The following TEAD4 variants were observed in gnomAD, a reference collection of about 807,000 sequenced individuals.
TEAD4 encodes the protein transcriptional enhancer factor TEF-3.
Under a neutral mutation model 52.4 loss-of-function variants are expected in TEAD4, and 36 were observed. The ratio of observed to expected loss-of-function variants is 0.69; its 90% CI spans 0.53 to 0.91. The LOEUF is 0.91. TEAD4 is among the 40% of genes least tolerant of loss of function. TEAD4 has a pLI of 0.00. For synonymous variants in TEAD4, 220 were observed against 231.0 expected (o/e 0.95, Z 0.43); for missense variants, 508 against 583.9 (o/e 0.87, Z 1.34).
intron 2 of TEAD4, among the ~76,000 whole-genome samples, chr12:2,967,535 C>CTAAGTG (rs762158251): frequency 6.6e-5 from 10 of 152,118 alleles, no homozygotes; most frequent in Non-Finnish European, 1.0e-4. Flanking sequence ...TGTAATAGGT[C>CTAAGTG]TAAGTGTAAC....
At position 3,024,179 on chromosome 12, in the gene TEAD4, A is replaced by G. The variant is rs753738279; in HGVS notation, c.897+2162A>G. 1.5e-3 allele frequency among the ~76,000 whole-genome samples: 221 copies of G among 151,728 alleles called. 2 individuals carry two copies. The highest frequency in any genetic ancestry group is 2.1e-3 in the Non-Finnish European group (145 of 67,956). On this transcript the variant is annotated intron_variant, in intron 10 of 12. Transcript: ENST00000359864. ...AAGCTCCGCCTCCCGGGTTCACGCC[A>G]TTCTCCTGCCTCAGCCTCCCGAGTA...
intron 2 of TEAD4, among the ~76,000 whole-genome samples, chr12:2,978,185 A>G (rs1334643067): frequency 6.6e-6 from 1 of 151,682 alleles, no homozygotes; most frequent in African/African-American, 2.4e-5. Context: ...TTTGTCTTCT[A>G]TCTCCTGGTG....
rs138763593 is a variant in TEAD4, at chr12:2,970,346, C to T, written c.-30+10306C>T. On this transcript the variant is annotated intron_variant, in intron 2 of 12. Transcript: ENST00000359864. ...AGCCAGCCCGCCTGGGTTTGAATCT[C>T]TGTTCTGCCACTTAACACCTGGGTG... Among the ~76,000 whole-genome samples, 74 of 152,334 alleles carry T rather than the reference C, an allele frequency of 4.9e-4. No homozygotes were observed. In the East Asian group the frequency reaches 0.012, roughly 25 times the overall value.
chr12:2,994,948 G>T lies in TEAD4; in HGVS notation c.182G>T (p.Cys61Phe). 6.2e-7 allele frequency: 1 copy of T among 1,614,174 alleles called. No homozygotes were observed. The highest frequency in any genetic ancestry group is 8.5e-7 in the Non-Finnish European group (1 of 1,180,020). The change falls in exon 3 of 13, where the codon TGT becomes TTT. Residue 61 changes from cysteine (C) to phenylalanine (F), a missense_variant. Transcript: ENST00000359864. The surrounding 1 kb of genome is among the most constrained non-coding windows in gnomAD (Gnocchi z 4.7). ...GAGGCCCTCGCCATCTACCCGCCCT[G>T]TGGCAGGCGCAAAATCATCCTGTCG...
chr12:3,022,161 G>A (rs1334157005), intron 10 of TEAD4, 144 bp downstream of exon 10: 3 of 1,145,916 alleles, frequency 2.6e-6, no homozygotes, highest in East Asian at 4.9e-5. Flanking sequence ...AGCCCAGCAT[G>A]GCTATGGGAT....
intron 10 of TEAD4, among the ~76,000 whole-genome samples, chr12:3,033,227 G>A (rs934654517): frequency 2.6e-5 from 4 of 152,198 alleles, no homozygotes; most frequent in Admixed American, 6.5e-5. Flanking sequence ...AGGGCGCTGT[G>A]GTGGTCATTC....
intron 2 of TEAD4, among the ~76,000 whole-genome samples, chr12:2,969,896 A>G (rs1011413375): frequency 6.6e-6 from 1 of 152,196 alleles, no homozygotes; most frequent in Non-Finnish European, 1.5e-5. Flanking sequence ...GGTGCTGTCC[A>G]ATAGAAATAC....
intron 2 of TEAD4, among the ~76,000 whole-genome samples, chr12:2,973,004 C>T (rs1381149302): frequency 6.6e-6 from 1 of 152,164 alleles, no homozygotes; most frequent in African/African-American, 2.4e-5. Context: ...TCATCCCTCC[C>T]CCTTCCCCTC....
intron 2 of TEAD4, among the ~76,000 whole-genome samples, chr12:2,982,441 A>T (rs1214567809): frequency 6.6e-6 from 1 of 152,200 alleles, no homozygotes; most frequent in Admixed American, 6.5e-5. Flanking sequence ...CGCATGGCCC[A>T]GCTCCACGAT....
At chr12:3,015,405 GA>G (rs1160769834) in intron 5 of TEAD4, among the ~76,000 whole-genome samples, 1 of 152,210 alleles carries the variant, frequency 6.6e-6, no homozygotes, top group Non-Finnish European at 1.5e-5. Context: ...TTGTGTTCTT[GA>G]AAACCTTCCG....
intron 2 of TEAD4, among the ~76,000 whole-genome samples, chr12:2,961,998 C>G (rs1353863487): frequency 6.6e-6 from 1 of 152,026 alleles, no homozygotes; most frequent in Non-Finnish European, 1.5e-5. Flanking sequence ...GAACAGAGTG[C>G]CAGCTTCTAT....
chr12:3,027,971 C>A (rs2098273051), intron 10 of TEAD4, among the ~76,000 whole-genome samples: 1 of 152,214 alleles, frequency 6.6e-6, no homozygotes, highest in African/African-American at 2.4e-5. Flanking sequence ...AAAATAAGCC[C>A]TGTTCCCTTT....
At chr12:2,985,592 G>A (rs867729000) in intron 2 of TEAD4, among the ~76,000 whole-genome samples, 8 of 119,966 alleles carry the variant, frequency 6.7e-5, no homozygotes, top group Middle Eastern at 7.7e-3. Flanking sequence ...TGCAACCTCC[G>A]CCTCCCGGGT....
In TEAD4 at chr12:3,016,764, G is replaced by A. The variant is rs143365538; in HGVS notation, c.355-634G>A. On this transcript the variant is annotated intron_variant, in intron 5 of 12. Coordinates refer to ENST00000359864, the MANE Select transcript of TEAD4 (RefSeq NM_003213.4). Reference sequence around the variant, plus strand: ...TAACAAACGATTACTATTGTTACCCGTGCCATCCAAGTGGCTTTCCCTGTG... The same window carrying A: ...TAACAAACGATTACTATTGTTACCCATGCCATCCAAGTGGCTTTCCCTGTG... Among the ~76,000 whole-genome samples, 16 of 152,252 alleles carry A rather than the reference G, an allele frequency of 1.1e-4. No homozygotes were observed. The East Asian group carries it at 1.2e-3, about 11-fold the overall frequency.
rs543450342 is a variant in TEAD4 at position 2,983,514 on chromosome 12, T to C, written c.-29-11224T>C. The stretch of plus-strand genomic sequence containing the variant: ...GAGGGCATCCTTCTTGTTTTACAGA[T>C]AAGCAAAATGAGGCCCAGAAAAATG... On this transcript the variant is annotated intron_variant, in intron 2 of 12. Transcript: ENST00000359864. 2.0e-5 allele frequency among the ~76,000 whole-genome samples: 3 copies of C among 152,306 alleles called. No individual in the cohort carries two copies. In the East Asian group the frequency reaches 5.8e-4, roughly 29 times the overall value.
Position 2,994,737 on chromosome 12 carries a change from G to A in TEAD4, c.-29-1G>A, listed in dbSNP as rs1314333715. 2.5e-6 allele frequency: 4 copies of A among 1,574,242 alleles called. No homozygotes were observed. The highest frequency in any genetic ancestry group is 3.4e-6 in the Non-Finnish European group (4 of 1,160,126). On this transcript the variant is annotated splice_acceptor_variant, in intron 2 of 12. Coordinates refer to ENST00000359864, the MANE Select transcript of TEAD4 (RefSeq NM_003213.4). LOFTEE classifies it low-confidence loss of function (5UTR_SPLICE). This position sits in a 1 kb window ranked among gnomAD's most constrained non-coding sequence, Gnocchi z 4.7. ...CGGGGCTGTGGTTCCTGTCCCCACA[G>A]GTCCAACGAGCGCTCCTCCAAGCGG...
intron 2 of TEAD4, among the ~76,000 whole-genome samples, chr12:2,985,392 A>T (rs893819629): frequency 6.7e-6 from 1 of 149,950 alleles, no homozygotes; most frequent in East Asian, 1.9e-4. Context: ...CTCAAAAAAA[A>T]CAAAAAACAA....
intron 2 of TEAD4, among the ~76,000 whole-genome samples, chr12:2,981,001 T>C (rs1462825045): frequency 6.6e-6 from 1 of 152,124 alleles, no homozygotes; most frequent in African/African-American, 2.4e-5. Context: ...CCTCAGCATC[T>C]TCACCTGCCA....
In TEAD4 at chr12:3,020,639, G is replaced by C. The variant is rs1350253314; in HGVS notation, c.589G>C (p.Glu197Gln). ...GCCTTTCTCACTTTGTGCAGGGTTT[G>C]AGTCTCCTGCAGGGCCCGCCCCATC... The change falls in exon 9 of 13, where the codon GAG becomes CAG. Residue 197 changes from glutamate to glutamine, a missense_variant. Glu to Gln is a conservative substitution (Grantham distance 29). Transcript: ENST00000359864. 3.8e-6 allele frequency: 6 copies of C among 1,569,596 alleles called. No homozygotes were observed. The highest frequency in any genetic ancestry group is 5.2e-6 in the Non-Finnish European group (6 of 1,155,954).
Sources: gnomAD v4.1 joint callset for allele counts (sites outside exome capture counted in the v4.1 genomes callset) on GRCh38, gnomAD v4.1.1 for gene constraint, Gnocchi (gnomAD v3.1) non-coding constraint, MANE v1.5 for transcripts, NCBI Gene and HGNC (gene_info 2026-07-23, HGNC 2026-07-21) for gene names.